Variants in ZNF329 observed in about 807,000 individuals in gnomAD.
ZNF329 encodes zinc finger protein 329.
A neutral mutation model predicts 26.6 loss-of-function variants in ZNF329; 15 were observed. The ratio of observed to expected loss-of-function variants is 0.56; its 90% CI spans 0.38 to 0.87. ZNF329 has a LOEUF of 0.87. Ranked by LOEUF, ZNF329 falls within the 40% of genes least tolerant of loss-of-function variation. The pLI is 0.00. For synonymous variants in ZNF329, 239 were observed against 233.5 expected (o/e 1.02, Z -0.21); for missense variants, 651 against 651.9 (o/e 1.00, Z 0.02).
chr19:58,137,058 T>TAA (rs11355450), intron 3 of ZNF329: 152 of 123,886 alleles, frequency 1.2e-3, no homozygotes, highest in South Asian at 3.8e-3. Context: ...TAAGTACAGA[T>TAA]AAAAAAAAAA....
chr19:58,151,642 T>TA (rs1343476986), upstream of ZNF329, among the ~76,000 whole-genome samples: 1 of 146,410 alleles, frequency 6.8e-6, no homozygotes, highest in African/African-American at 2.5e-5. Flanking sequence ...ATATACAAGA[T>TA]AGACAGTTCT....
At chr19:58,150,391 G>C (rs1172690746) in intron 1 of ZNF329, among the ~76,000 whole-genome samples, 1 of 152,192 alleles carries the variant, frequency 6.6e-6, no homozygotes, top group South Asian at 2.1e-4. Flanking sequence ...CCCCGGAGAC[G>C]GACCAGGACA....
chr19:58,127,790 C>T lies in ZNF329; in HGVS notation c.*88G>A. 1 of 1,275,472 alleles carries T rather than the reference C, an allele frequency of 7.8e-7. No homozygotes were observed. Among genetic ancestry groups the T allele is most frequent in the Non-Finnish European group, 1.1e-6 (1 of 917,898 alleles). The allele number at this position is 1,275,472 out of a possible 1,614,324, so 79.0% of individuals were successfully genotyped here. ...ACTGGATAGCTTAAAGGATTCTTTT[C>T]TACTGACCAGAGAGGAGTCAGATCT... On this transcript the variant is annotated 3_prime_UTR_variant, in exon 4 of 4. Coordinates refer to ENST00000598312, the MANE Select transcript of ZNF329 (RefSeq NM_024620.4).
intron 1 of ZNF329, among the ~76,000 whole-genome samples, chr19:58,149,520 GT>G (rs2075401655): frequency 6.6e-6 from 1 of 152,152 alleles, no homozygotes; most frequent in African/African-American, 2.4e-5. Context: ...AATCTGGATG[GT>G]TTTAGAAGTG....
rs916809338 is a variant in ZNF329 at position 58,126,548 on chromosome 19, T to G, written c.*1330A>C. On this transcript the variant is annotated 3_prime_UTR_variant, in exon 4 of 4. Coordinates refer to ENST00000598312, the MANE Select transcript of ZNF329 (RefSeq NM_024620.4). ...CCTAAATGAACAACCATGGAGGTAG[T>G]GGTGGGGTGATAACATAAACATAAC... The G allele has an allele frequency of 6.6e-6, 1 of 152,174 alleles. No individual in the cohort carries two copies. Among genetic ancestry groups the G allele is most frequent in the Non-Finnish European group, 1.5e-5 (1 of 68,030 alleles). The allele number at this position is 152,174 out of a possible 1,614,324, so 9.4% of individuals were successfully genotyped here. A position where few individuals can be genotyped will look rare whatever the true frequency, so the allele number is the denominator to read the frequency against.
intron 3 of ZNF329, among the ~76,000 whole-genome samples, chr19:58,140,414 CTT>C (rs11436059): frequency 1.7e-4 from 23 of 138,434 alleles, no homozygotes; most frequent in Admixed American, 2.2e-4. Context: ...AAAACTCTTT[CTT>C]TTTTTTTTTT....
rs762700926 is a variant in ZNF329, at chr19:58,128,647, G to A, written c.857C>T (p.Pro286Leu). Residue 286 changes from proline to leucine, a missense_variant, in exon 4 of 4, where the codon CCT becomes CTT. Pro to Leu is a moderately conservative substitution (Grantham distance 98, BLOSUM62 -3). Coordinates refer to ENST00000598312, the MANE Select transcript of ZNF329 (RefSeq NM_024620.4). ...QHQRIHTGEK[P>L]YECLECGKTF... The stretch of plus-strand genomic sequence containing the variant: ...TTTTCCACACTCTAGGCATTCATAA[G>A]GTTTCTCGCCTGTGTGAATTCTCTG... The A allele has an allele frequency of 4.4e-6, 7 of 1,604,532 alleles. No individual in the cohort carries two copies. The highest frequency in any genetic ancestry group is 6.0e-6 in the Non-Finnish European group (7 of 1,175,378).
At chr19:58,147,308 C>T (rs1183536310) in intron 1 of ZNF329, among the ~76,000 whole-genome samples, 8 of 150,748 alleles carry the variant, frequency 5.3e-5, no homozygotes, top group Non-Finnish European at 1.2e-4. Flanking sequence ...GGAGCCCCTC[C>T]GCCAGGCAGC....
chr19:58,130,546 C>T (rs995747326), intron 3 of ZNF329, among the ~76,000 whole-genome samples: 20 of 146,790 alleles, frequency 1.4e-4, no homozygotes, highest in African/African-American at 4.3e-4. Context: ...TGGTGGCGGG[C>T]GCCTGTAGTC....
upstream of ZNF329, among the ~76,000 whole-genome samples, chr19:58,152,240 C>G (rs2146150286): frequency 6.6e-6 from 1 of 152,152 alleles, no homozygotes; most frequent in South Asian, 2.1e-4. Flanking sequence ...TCCATGAAGG[C>G]CGTATCAGAC....
chr19:58,140,620 T>G (rs2075164036), intron 3 of ZNF329, among the ~76,000 whole-genome samples: 1 of 152,084 alleles, frequency 6.6e-6, no homozygotes, highest in African/African-American at 2.4e-5. Context: ...TTTCACCATG[T>G]TGGCCAGGAT....
chr19:58,154,890 CG>C (rs1175149659), upstream of ZNF329: 1 of 152,452 alleles, frequency 6.6e-6, no homozygotes, highest in Non-Finnish European at 1.5e-5. Flanking sequence ...GCCGCAGACG[CG>C]GAGCCCACAG....
chr19:58,151,950 C>T (rs1343020169), upstream of ZNF329, among the ~76,000 whole-genome samples: 1 of 152,192 alleles, frequency 6.6e-6, no homozygotes, highest in Non-Finnish European at 1.5e-5. Flanking sequence ...ACATGGGTGT[C>T]ATCTTTATTA....
rs1223810000 is a variant in ZNF329, at chr19:58,134,127, A to G, written c.-8-4616T>C. Among the ~76,000 whole-genome samples, 3 of 152,332 alleles carry G rather than the reference A, an allele frequency of 2.0e-5. No individual in the cohort carries two copies. In the South Asian group the frequency reaches 6.2e-4, roughly 32 times the overall value. ...TTCTACTTCCAGAAGATACTTGGCA[A>G]TATCTGGAGATGATTTTGGTTGTCA... On this transcript the variant is annotated intron_variant, in intron 3 of 3. Coordinates refer to ENST00000598312, the MANE Select transcript of ZNF329 (RefSeq NM_024620.4).
chr19:58,147,217 G>T (rs2075335545), intron 1 of ZNF329, among the ~76,000 whole-genome samples: 1 of 151,466 alleles, frequency 6.6e-6, no homozygotes, highest in African/African-American at 2.4e-5. Flanking sequence ...CGTCTGGGAG[G>T]TGAGGAGCGT....
Position 58,127,920 on chromosome 19 carries a change from T to C in ZNF329, c.1584A>G (p.Arg528=), listed in dbSNP as rs1474871830. 1.9e-6 allele frequency: 3 copies of C among 1,609,646 alleles called. No individual in the cohort carries two copies. The highest frequency in any genetic ancestry group is 1.3e-5 in the African/African-American group (1 of 74,758). ...GCTCTCCCAGGTGTGCTCTTTGATG[T>C]CGAACAAGGGATGAGCTCTTTTGGA... ...KMFQKSSSLV[R]HQRAHLGEQP... is the part of the protein sequence containing the mutation. Residue 528 remains arginine, a synonymous_variant, in exon 4 of 4, where the codon CGA becomes CGG. Transcript: ENST00000598312.
intron 1 of ZNF329, among the ~76,000 whole-genome samples, chr19:58,146,345 A>G (rs1185688699): frequency 6.6e-6 from 1 of 152,044 alleles, no homozygotes; most frequent in Admixed American, 6.6e-5. Context: ...ATAGTGGCAC[A>G]CACCTGTAAT....
At position 58,128,672 on chromosome 19, in the gene ZNF329, G is replaced by C; in HGVS notation, c.832C>G (p.Gln278Glu). 1 of 1,604,132 alleles carries C rather than the reference G, an allele frequency of 6.2e-7. No individual in the cohort carries two copies. The highest frequency in any genetic ancestry group is 8.5e-7 in the Non-Finnish European group (1 of 1,175,210). The change falls in exon 4 of 4, where the codon CAG becomes GAG. Residue 278 changes from glutamine (Q) to glutamate (E), a missense_variant. Transcript: ENST00000598312. ...GGTTTCTCGCCTGTGTGAATTCTCT[G>C]GTGCTGTGTCAGAGCTGAGCCATCA... ...FSDGSALTQH[Q>E]RIHTGEKPYE...
At position 58,129,162 on chromosome 19, in the gene ZNF329, A is replaced by T. The variant is rs182758482; in HGVS notation, c.342T>A (p.Tyr114Ter). 6.2e-7 allele frequency: 1 copy of T among 1,614,210 alleles called. No individual in the cohort carries two copies. The highest frequency in any genetic ancestry group is 1.3e-5 in the African/African-American group (1 of 75,044). The change falls in exon 4 of 4, where the codon TAT becomes TAA. Residue 114 changes from tyrosine (Y) to a stop codon, truncating the protein, a stop_gained. Transcript: ENST00000598312. LOFTEE classifies it high-confidence loss of function. ...DPALPSYPKS[Y>*]ADKRTGDSDA... ...CACTGTCACCAGTTCTCTTATCTGC[A>T]TAACTTTTAGGATAGCTGGGTAAGG...
Sources: gnomAD v4.1 joint callset for allele counts (sites outside exome capture counted in the v4.1 genomes callset) on GRCh38, gnomAD v4.1.1 for gene constraint, MANE v1.5 for transcripts, NCBI Gene and HGNC (gene_info 2026-07-23, HGNC 2026-07-21) for gene names.